Variants in DTNBP1 observed in about 807,000 individuals in gnomAD.
DTNBP1 encodes dystrobrevin binding protein 1.
DTNBP1 carries 35 observed loss-of-function variants against 42.8 expected under a neutral mutation model. That is an observed-to-expected ratio of 0.82 (90% CI 0.63 to 1.09). The LOEUF is 1.09. Ranked by LOEUF, DTNBP1 falls within the 50% of genes least tolerant of loss-of-function variation. DTNBP1 has a pLI of 0.00. For synonymous variants in DTNBP1, 171 were observed against 162.2 expected (o/e 1.05, Z -0.41); for missense variants, 457 against 424.2 (o/e 1.08, Z -0.68).
intron 5 of DTNBP1, among the ~76,000 whole-genome samples, chr6:15,621,796 C>T (rs1395278343): frequency 1.3e-5 from 2 of 152,180 alleles, no homozygotes; most frequent in East Asian, 3.8e-4. Flanking sequence ...AAGAGGAGTA[C>T]TGAGCGTTGG....
Position 15,525,011 on chromosome 6 carries a change from G to A in DTNBP1, c.668-342C>T, listed in dbSNP as rs77243674. ...CAACATTCCTGCAGCAACAGTTAGC[G>A]ACCTTCCTCCCTGCCAGCCACAGCT... On this transcript the variant is annotated intron_variant, in intron 8 of 9. Transcript: ENST00000344537. 4.4e-3 allele frequency among the ~76,000 whole-genome samples: 664 copies of A among 152,310 alleles called. 6 individuals carry two copies. Among genetic ancestry groups the A allele is most frequent in the African/African-American group, 0.015 (620 of 41,560 alleles).
Position 15,593,088 on chromosome 6 carries a change from G to GGAA in DTNBP1, c.489-8_489-7insTTC. On this transcript the variant is annotated splice_region_variant and splice_polypyrimidine_tract_variant and intron_variant, in intron 6 of 9. Transcript: ENST00000344537. ...GAAGGTTTCAAGTTCCTTCCTGTAG[G>GGAA]AAAAAAAAAAAAAAGACAAGACAAT... The GGAA allele has an allele frequency of 7.4e-7, 1 of 1,346,602 alleles. No individual in the cohort carries two copies. The highest frequency in any genetic ancestry group is 1.0e-6 in the Non-Finnish European group (1 of 989,700). The allele number at this position is 1,346,602 out of a possible 1,614,324, so 83.4% of individuals were successfully genotyped here.
In DTNBP1 at chr6:15,663,020, C is replaced by A. The variant is rs761130660; in HGVS notation, c.-151G>T. The A allele has an allele frequency of 8.8e-7, 1 of 1,130,414 alleles. No homozygotes were observed. Among genetic ancestry groups the A allele is most frequent in the Non-Finnish European group, 1.2e-6 (1 of 801,472 alleles). 70.0% of individuals were successfully genotyped at this position (1,130,414 alleles called of 1,614,324 possible). On this transcript the variant is annotated 5_prime_UTR_variant, in exon 1 of 10. Transcript: ENST00000344537. ...CCCGGTCTGGTCCTCGCCGCCGCGC[C>A]GCAACCCCAGCCCCTTCCGCGTTCC...
chr6:15,572,196 T>C (rs530576542), intron 7 of DTNBP1, among the ~76,000 whole-genome samples: 2 of 152,140 alleles, frequency 1.3e-5, no homozygotes, highest in African/African-American at 4.8e-5. Flanking sequence ...AAAAAAAACA[T>C]ATTGTTCCCA....
intron 4 of DTNBP1, among the ~76,000 whole-genome samples, chr6:15,630,276 T>C (rs1759613620): frequency 6.6e-6 from 1 of 152,210 alleles, no homozygotes; most frequent in African/African-American, 2.4e-5. Flanking sequence ...TGTTAAGCCA[T>C]TTTATAGATG....
At chr6:15,531,898 CT>C (rs1291927000) in intron 8 of DTNBP1, among the ~76,000 whole-genome samples, 1 of 152,248 alleles carries the variant, frequency 6.6e-6, no homozygotes, top group Non-Finnish European at 1.5e-5. Flanking sequence ...TCCCAAAGTG[CT>C]GGGATTATAG....
Position 15,522,946 on chromosome 6 carries a change from G to T in DTNBP1, c.*29C>A. 6.2e-7 allele frequency: 1 copy of T among 1,614,220 alleles called. No individual in the cohort carries two copies. Among genetic ancestry groups the T allele is most frequent in the Non-Finnish European group, 8.5e-7 (1 of 1,180,052 alleles). On this transcript the variant is annotated 3_prime_UTR_variant, in exon 10 of 10. Coordinates refer to ENST00000344537, the MANE Select transcript of DTNBP1 (RefSeq NM_032122.5). ...CGCATACAGCCAAAACTGGATTCCAGTGTGGCCAGACAACGCCCATGTCCC... is the reference window on the plus strand; with the variant it reads ...CGCATACAGCCAAAACTGGATTCCATTGTGGCCAGACAACGCCCATGTCCC...
At chr6:15,541,998 CACTT>C (rs1200104666) in intron 7 of DTNBP1, among the ~76,000 whole-genome samples, 5 of 152,234 alleles carry the variant, frequency 3.3e-5, no homozygotes, top group Non-Finnish European at 7.4e-5. Flanking sequence ...GAAACAGTAA[CACTT>C]ACTACATATG....
At chr6:15,569,492 T>C (rs1344128675) in intron 7 of DTNBP1, among the ~76,000 whole-genome samples, 1 of 152,052 alleles carries the variant, frequency 6.6e-6, no homozygotes, top group Non-Finnish European at 1.5e-5. Flanking sequence ...TTAAAATCTC[T>C]AGACCCAAAC....
chr6:15,533,476 C>G (rs1253723357), intron 7 of DTNBP1, 81 bp from the exon 8 acceptor site: 1 of 1,607,616 alleles, frequency 6.2e-7, no homozygotes. Context: ...CTCGCATCCA[C>G]CCTCCAAGTG....
intron 7 of DTNBP1, among the ~76,000 whole-genome samples, chr6:15,581,467 C>A (rs1440212792): frequency 6.7e-6 from 1 of 148,278 alleles, no homozygotes; most frequent in Non-Finnish European, 1.5e-5. Flanking sequence ...CATGAGCCAC[C>A]GCGCCCGACT....
At chr6:15,603,364 G>A (rs1342495627) in intron 6 of DTNBP1, among the ~76,000 whole-genome samples, 1 of 152,158 alleles carries the variant, frequency 6.6e-6, no homozygotes, top group Non-Finnish European at 1.5e-5. Flanking sequence ...GGAGAGGGGG[G>A]AGTAAAAGGA....
intron 7 of DTNBP1, among the ~76,000 whole-genome samples, chr6:15,559,074 G>A (rs375819406): frequency 6.6e-6 from 1 of 152,160 alleles, no homozygotes; most frequent in East Asian, 1.9e-4. Context: ...GAGACAACTC[G>A]CAACATCCAC....
At chr6:15,645,733 A>G (rs1014838823) in intron 3 of DTNBP1, among the ~76,000 whole-genome samples, 2 of 152,092 alleles carry the variant, frequency 1.3e-5, no homozygotes, top group Non-Finnish European at 2.9e-5. Flanking sequence ...GATAAAATTC[A>G]ATATCCCTTC....
intron 7 of DTNBP1, among the ~76,000 whole-genome samples, chr6:15,572,882 C>A (rs1377440850): frequency 1.3e-5 from 2 of 152,154 alleles, no homozygotes; most frequent in Non-Finnish European, 2.9e-5. Context: ...CAGGTATGCA[C>A]CACCACAACC....
chr6:15,527,015 A>C (rs995514414), intron 8 of DTNBP1, among the ~76,000 whole-genome samples: 1 of 152,246 alleles, frequency 6.6e-6, no homozygotes, highest in Non-Finnish European at 1.5e-5. Flanking sequence ...ATGGAGACAC[A>C]GAAACATGCA....
chr6:15,642,136 C>T (rs933659735), intron 3 of DTNBP1, among the ~76,000 whole-genome samples: 1 of 152,182 alleles, frequency 6.6e-6, no homozygotes, highest in African/African-American at 2.4e-5. Context: ...CCCTTCCCTA[C>T]ACAGAGCAGC....
chr6:15,626,033 C>T (rs1759320344), intron 5 of DTNBP1, among the ~76,000 whole-genome samples: 1 of 152,196 alleles, frequency 6.6e-6, no homozygotes, highest in Non-Finnish European at 1.5e-5. Flanking sequence ...TGGCAACAGC[C>T]AGGGGACTTG....
chr6:15,547,602 G>A (rs892366493), intron 7 of DTNBP1, among the ~76,000 whole-genome samples: 1 of 152,212 alleles, frequency 6.6e-6, no homozygotes, highest in Admixed American at 6.5e-5. Context: ...AAGAGCTCCA[G>A]CAGCAACCAA....
Sources: gnomAD v4.1 joint callset for allele counts (sites outside exome capture counted in the v4.1 genomes callset) on GRCh38, gnomAD v4.1.1 for gene constraint, MANE v1.5 for transcripts, NCBI Gene and HGNC (gene_info 2026-07-23, HGNC 2026-07-21) for gene names.